Variants in NRDC observed in about 807,000 individuals in gnomAD.
The protein encoded by NRDC is nardilysin.
A neutral mutation model predicts 147.1 loss-of-function variants in NRDC; 54 were observed. The ratio of observed to expected loss-of-function variants is 0.37; its 90% CI spans 0.29 to 0.46. The LOEUF (loss-of-function observed/expected upper bound fraction) is 0.46. Ranked by LOEUF, NRDC falls within the 20% of genes least tolerant of loss-of-function variation. The pLI, the probability that NRDC is intolerant of heterozygous loss-of-function variation, is 1.00. For missense variants in NRDC, 1,082 were observed against 1,370.6 expected (o/e 0.79, Z 3.33); for synonymous variants, 440 against 482.1 (o/e 0.91, Z 1.14).
intron 22 of NRDC, chr1:51,797,977 C>G: frequency 2.7e-6 from 1 of 364,640 alleles, no homozygotes; most frequent in East Asian, 4.6e-5. Context: ...ACTGTGTTGC[C>G]TGGACTGGTC....
In NRDC at chr1:51,877,559, T is replaced by C. The variant is rs1302718827; in HGVS notation, c.341+716A>G. ...ATCATAGTCATGATACTCCATGAAA[T>C]AAGCTACCTCTGAAGGAAAATACTC... On this transcript the variant is annotated intron_variant, in intron 1 of 30. Transcript: ENST00000352171. Among the ~76,000 whole-genome samples the C allele has an allele frequency of 2.8e-5, 3 of 108,378 alleles. No individual in the cohort carries two copies. In the East Asian group the frequency reaches 4.7e-3, roughly 170 times the overall value. 71.1% of individuals were successfully genotyped at this position (108,378 alleles called of 152,430 possible). A position where few individuals can be genotyped will look rare whatever the true frequency, so the allele number is the denominator to read the frequency against.
intron 1 of NRDC, among the ~76,000 whole-genome samples, chr1:51,846,501 G>A (rs1016902889): frequency 6.6e-6 from 1 of 152,236 alleles, no homozygotes; most frequent in South Asian, 2.1e-4. Flanking sequence ...GAATGAAGCC[G>A]CGGAGCCCCG....
chr1:51,878,348 C>T lies in NRDC; in HGVS notation c.268G>A (p.Gly90Arg), dbSNP rs371473298. The part of the protein sequence containing the change: ...RLGADESEEE[G>R]RRGSLSNAGD... The stretch of plus-strand genomic sequence containing the variant: ...GCATTACTGAGAGACCCCCTCCGTC[C>T]CTCTTCCTCAGATTCATCCGCTCCT... The change falls in exon 1 of 31, where the codon GGA becomes AGA. Residue 90 changes from glycine to arginine, a missense_variant. Physicochemically the swap from Gly to Arg is moderately radical, Grantham distance 125. This residue lies in a region of NRDC where 260 missense variants were observed against 253.2 expected (regional missense o/e 1.03). Transcript: ENST00000352171. 57 of 1,614,058 alleles carry T rather than the reference C, an allele frequency of 3.5e-5. No homozygotes were observed. The highest frequency in any genetic ancestry group is 4.6e-5 in the Non-Finnish European group (54 of 1,180,032).
intron 3 of NRDC, among the ~76,000 whole-genome samples, chr1:51,835,610 G>A (rs1680928763): frequency 6.6e-6 from 1 of 151,408 alleles, no homozygotes; most frequent in African/African-American, 2.4e-5. Flanking sequence ...GGGACTACAG[G>A]TGTATGCCAC....
At chr1:51,871,321 A>G (rs951586616) in intron 1 of NRDC, among the ~76,000 whole-genome samples, 1 of 151,928 alleles carries the variant, frequency 6.6e-6, no homozygotes, top group African/African-American at 2.4e-5. Flanking sequence ...CATCTCAGTC[A>G]ATCAATTTCT....
At chr1:51,840,924 T>C (rs1459052568) in intron 1 of NRDC, among the ~76,000 whole-genome samples, 2 of 152,204 alleles carry the variant, frequency 1.3e-5, no homozygotes, top group Non-Finnish European at 2.9e-5. Context: ...TCCCTCAATA[T>C]ACAGAACAGT....
At chr1:51,836,459 C>G (rs756402876) in intron 2 of NRDC, 1 of 1,609,952 alleles carries the variant, frequency 6.2e-7, no homozygotes, top group Admixed American at 1.7e-5. Flanking sequence ...AAAGCAGAAA[C>G]AGACAGAAAA....
In NRDC at chr1:51,839,213, G is replaced by A. The variant is rs977148491; in HGVS notation, c.630+1013C>T. ...CTCACTCTGTTGGCCAGGGTGGAGTGCAGTGGTGTAATCAAAGCTCACTGC... is the reference window on the plus strand; with the variant it reads ...CTCACTCTGTTGGCCAGGGTGGAGTACAGTGGTGTAATCAAAGCTCACTGC... On this transcript the variant is annotated intron_variant, in intron 2 of 30. Coordinates refer to ENST00000352171, the MANE Select transcript of NRDC (RefSeq NM_001101662.2). Among the ~76,000 whole-genome samples the A allele has an allele frequency of 4.9e-5, 7 of 141,876 alleles. No homozygotes were observed. The East Asian group carries it at 8.6e-4, about 17-fold the overall frequency. The allele number at this position is 141,876 out of a possible 152,430, so 93.1% of individuals were successfully genotyped here.
intron 1 of NRDC, among the ~76,000 whole-genome samples, chr1:51,871,343 C>T (rs1282315179): frequency 6.6e-6 from 1 of 151,720 alleles, no homozygotes. Context: ...ACTCTCCATT[C>T]ATCCTTAACT....
At chr1:51,795,285 A>G (rs1437260478) in intron 22 of NRDC, 5 of 1,104,950 alleles carry the variant, frequency 4.5e-6, no homozygotes, top group East Asian at 1.2e-4. Context: ...CTGTTTTCTT[A>G]TCTATAAAAT....
At chr1:51,837,653 A>G in intron 2 of NRDC, 1 of 1,465,652 alleles carries the variant, frequency 6.8e-7, no homozygotes, top group Non-Finnish European at 9.2e-7. Flanking sequence ...AGAATTTTCT[A>G]CCTAAAAAAT....
chr1:51,798,252 G>A lies in NRDC; in HGVS notation c.2601C>T (p.Ser867=). 6.2e-7 allele frequency: 1 copy of A among 1,614,092 alleles called. No individual in the cohort carries two copies. Among genetic ancestry groups the A allele is most frequent in the Admixed American group, 1.7e-5 (1 of 60,008 alleles). ...VEGLVQGNVT[S]TESMDFLKYV... ...CTACAGAGCATCTCACACTCACTGT[G>A]CTTGTGACATTCCCTTGTACCAGGC... The change falls in exon 22 of 31, where the codon AGC becomes AGT. Residue 867 remains serine (S), a synonymous_variant. Coordinates refer to ENST00000352171, the MANE Select transcript of NRDC (RefSeq NM_001101662.2).
In NRDC at chr1:51,794,870, G is replaced by A; in HGVS notation, c.2605-16C>T. 6.2e-7 allele frequency: 1 copy of A among 1,613,588 alleles called. No individual in the cohort carries two copies. The highest frequency in any genetic ancestry group is 8.5e-7 in the Non-Finnish European group (1 of 1,179,828). The stretch of plus-strand genomic sequence containing the variant: ...CCATAGATTCCTAAGAGGCAAAAGA[G>A]AATAACTACATTAAGCTCTCTAGAC... On this transcript the variant is annotated splice_polypyrimidine_tract_variant and intron_variant, in intron 22 of 30. Coordinates refer to ENST00000352171, the MANE Select transcript of NRDC (RefSeq NM_001101662.2).
intron 1 of NRDC, among the ~76,000 whole-genome samples, chr1:51,845,572 G>A (rs984928235): frequency 2.4e-4 from 37 of 152,090 alleles, no homozygotes; most frequent in Non-Finnish European, 4.3e-4. Flanking sequence ...CAGCCTGGGC[G>A]ACAGAGCGAG....
At position 51,794,825 on chromosome 1, in the gene NRDC, A is replaced by C. The variant is rs771819671; in HGVS notation, c.2634T>G (p.Val878=). The stretch of plus-strand genomic sequence containing the variant: ...AAAGAGAAAATTCAAATACTTACTC[A>C]ACAACATATTTCAGGAAATCCATAG... ...TESMDFLKYV[V]DKLNFKPLEQ... Residue 878 remains valine, a splice_region_variant and synonymous_variant, in exon 23 of 31, where the codon GTT becomes GTG. Transcript: ENST00000352171. 2 of 1,614,148 alleles carry C rather than the reference A, an allele frequency of 1.2e-6. No homozygotes were observed. The highest frequency in any genetic ancestry group is 1.7e-6 in the Non-Finnish European group (2 of 1,180,000).
intron 1 of NRDC, among the ~76,000 whole-genome samples, chr1:51,871,515 TAAAAAAAAAAAA>T (rs60495773): frequency 0.026 from 547 of 21,032 alleles, 7 homozygotes; most frequent in African/African-American, 0.077. Flanking sequence ...ACTGGTTCAT[TAAAAAAAAAAAA>T]AAAAAAAAAA....
intron 1 of NRDC, among the ~76,000 whole-genome samples, chr1:51,857,581 G>C (rs1682315201): frequency 1.3e-5 from 2 of 152,212 alleles, no homozygotes; most frequent in African/African-American, 4.8e-5. Context: ...ATCGTGGTAA[G>C]TTCTCGCTGA....
At position 51,827,863 on chromosome 1, in the gene NRDC, C is replaced by T. The variant is rs751355919; in HGVS notation, c.873G>A (p.Ala291=). The T allele has an allele frequency of 5.6e-6, 9 of 1,613,486 alleles. No individual in the cohort carries two copies. Among genetic ancestry groups the T allele is most frequent in the East Asian group, 4.5e-5 (2 of 44,832 alleles). ...TCATTAGTGGGTGGATGAAGAACTG[C>T]GCCCATCTGAACAAAAAACAAAACT... ...KYFKEALDRW[A]QFFIHPLMIR... Residue 291 remains alanine (A), a synonymous_variant, in exon 5 of 31, where the codon GCG becomes GCA. Transcript: ENST00000352171.
intron 8 of NRDC, 36 bp downstream of exon 8, chr1:51,821,462 C>T: frequency 7.0e-7 from 1 of 1,424,054 alleles, no homozygotes; most frequent in Admixed American, 1.7e-5. Flanking sequence ...CTCTTTAACT[C>T]TGAAGGTGTA....
Sources: gnomAD v4.1 joint callset for allele counts (sites outside exome capture counted in the v4.1 genomes callset) on GRCh38, gnomAD v4.1.1 for gene constraint, gnomAD v4.1.1 regional missense constraint, MANE v1.5 for transcripts, NCBI Gene and HGNC (gene_info 2026-07-23, HGNC 2026-07-21) for gene names.